The following NTM variants were observed in gnomAD, a reference collection of about 807,000 sequenced individuals.
NTM encodes neurotrimin.
Under a neutral mutation model 42.1 loss-of-function variants are expected in NTM, and 13 were observed. The observed-to-expected ratio is 0.31, with a 90% CI of 0.20 to 0.49. NTM has a LOEUF of 0.49. Ranked by LOEUF, NTM falls within the 20% of genes least tolerant of loss-of-function variation. The probability of loss-of-function intolerance (pLI) is 0.99; values close to 1 mark genes in which losing one functional copy is unlikely to be tolerated. For synonymous variants in NTM, 187 were observed against 179.2 expected, an observed-to-expected ratio of 1.04 and a Z score of -0.35; for missense variants, 373 against 452.8, an observed-to-expected ratio of 0.82 and a Z score of 1.60.
chr11:131,399,585 C>T (rs1359874147), intron 1 of NTM, among the ~76,000 whole-genome samples: 1 of 152,112 alleles, frequency 6.6e-6, no homozygotes, highest in Non-Finnish European at 1.5e-5. Context: ...GCTTTGAGTC[C>T]TGGAAGTGTG....
chr11:131,954,534 T>G (rs769293408), intron 2 of NTM, among the ~76,000 whole-genome samples: 3 of 152,242 alleles, frequency 2.0e-5, no homozygotes, highest in Admixed American at 6.5e-5. Context: ...CATTCATCCC[T>G]GTCCATCAGC....
At chr11:131,554,535 C>T (rs1330015128) in intron 1 of NTM, among the ~76,000 whole-genome samples, 1 of 142,666 alleles carries the variant, frequency 7.0e-6, no homozygotes, top group Non-Finnish European at 1.5e-5. Context: ...CACACACACA[C>T]ACACATCTAC....
intron 1 of NTM, among the ~76,000 whole-genome samples, chr11:131,393,837 G>A (rs1390049951): frequency 1.3e-5 from 2 of 152,224 alleles, no homozygotes; most frequent in Non-Finnish European, 2.9e-5. Context: ...CCAGTGATAC[G>A]TGCAATTGGG....
chr11:131,851,532 CGT>C (rs71067340), intron 1 of NTM, among the ~76,000 whole-genome samples: 3,024 of 146,698 alleles, frequency 0.021, 41 homozygotes, highest in African/African-American at 0.052. Context: ...GTGAGAATGG[CGT>C]GTGTGTGTGT....
chr11:131,668,672 C>A (rs1267579195), intron 1 of NTM, among the ~76,000 whole-genome samples: 1 of 152,192 alleles, frequency 6.6e-6, no homozygotes, highest in Non-Finnish European at 1.5e-5. Context: ...AACACAATTT[C>A]TCCCTGTCAT....
chr11:131,463,174 T>C (rs564328183), intron 1 of NTM, among the ~76,000 whole-genome samples: 5 of 152,332 alleles, frequency 3.3e-5, no homozygotes, highest in African/African-American at 9.6e-5. Context: ...TTCCATCCTA[T>C]TGCCCTCCTG....
chr11:131,698,206 G>A (rs2075683103), intron 1 of NTM, among the ~76,000 whole-genome samples: 1 of 152,126 alleles, frequency 6.6e-6, no homozygotes, highest in Non-Finnish European at 1.5e-5. Context: ...CAGAGTGAAA[G>A]TGTCATTCAG....
At chr11:132,114,212 G>A (rs2063583517) in intron 2 of NTM, among the ~76,000 whole-genome samples, 2 of 152,198 alleles carry the variant, frequency 1.3e-5, no homozygotes, top group South Asian at 2.1e-4. Flanking sequence ...CTAAAAATGT[G>A]TTTAAAATAA....
intron 1 of NTM, among the ~76,000 whole-genome samples, chr11:131,665,819 CA>C (rs369203747): frequency 2.9e-4 from 44 of 152,354 alleles, no homozygotes; most frequent in African/African-American, 1.0e-3. Flanking sequence ...ATTCCCACCC[CA>C]CCGTATTTTG....
chr11:131,402,559 A>C (rs1945365176), intron 1 of NTM, among the ~76,000 whole-genome samples: 1 of 152,172 alleles, frequency 6.6e-6, no homozygotes, highest in African/African-American at 2.4e-5. Flanking sequence ...GGAAAACAGC[A>C]CAAGCCAACC....
At chr11:131,454,109 A>G (rs1304071396) in intron 1 of NTM, among the ~76,000 whole-genome samples, 1 of 152,208 alleles carries the variant, frequency 6.6e-6, no homozygotes, top group East Asian at 1.9e-4. Context: ...TTTATTTTCC[A>G]TAGTTTCAGT....
intron 2 of NTM, among the ~76,000 whole-genome samples, chr11:132,128,925 G>A (rs1202422124): frequency 1.7e-5 from 2 of 119,362 alleles, no homozygotes; most frequent in South Asian, 3.3e-4. Flanking sequence ...GCGATAGAGC[G>A]AGACACCATC....
At chr11:131,709,193 G>A (rs1264249238) in intron 1 of NTM, among the ~76,000 whole-genome samples, 1 of 152,132 alleles carries the variant, frequency 6.6e-6, no homozygotes, top group Non-Finnish European at 1.5e-5. Flanking sequence ...GAGGGGAAGA[G>A]AGGTAACTAC....
chr11:132,059,413 C>T (rs973595445), intron 2 of NTM, among the ~76,000 whole-genome samples: 62 of 152,226 alleles, frequency 4.1e-4, no homozygotes, highest in African/African-American at 1.5e-3. Context: ...GTTTACCTTT[C>T]CTCAAGTCAT....
intron 1 of NTM, among the ~76,000 whole-genome samples, chr11:131,419,813 G>C (rs920839761): frequency 3.3e-5 from 5 of 152,180 alleles, no homozygotes; most frequent in African/African-American, 1.2e-4. Context: ...ATGTCGGGAG[G>C]CCATTACACT....
intron 1 of NTM, among the ~76,000 whole-genome samples, chr11:131,830,184 G>T (rs1477347698): frequency 6.6e-6 from 1 of 152,114 alleles, no homozygotes; most frequent in Non-Finnish European, 1.5e-5. Flanking sequence ...ATTTGATTAA[G>T]TTCCACTTGT....
chr11:131,600,785 T>C (rs886765483), intron 1 of NTM, among the ~76,000 whole-genome samples: 2 of 152,038 alleles, frequency 1.3e-5, no homozygotes, highest in African/African-American at 2.4e-5. Flanking sequence ...AGCCTCAGTG[T>C]AAGAGGCCCA....
chr11:132,216,448 A>G (rs923737766), intron 4 of NTM, among the ~76,000 whole-genome samples: 1 of 152,116 alleles, frequency 6.6e-6, no homozygotes, highest in African/African-American at 2.4e-5. Context: ...TGGAGCTCCC[A>G]TCTTGGGTGC....
rs117035419 is a variant in NTM, at chr11:131,646,041, C to G, written c.83-265523C>G. Among the ~76,000 whole-genome samples the G allele has an allele frequency of 3.4e-3, 514 of 152,326 alleles. 28 individuals are homozygous for G. The East Asian group carries it at 0.087, about 26-fold the overall frequency. On this transcript the variant is annotated intron_variant, in intron 1 of 8. Transcript: ENST00000683400. Reference sequence around the variant, plus strand: ...AAGATTTAGAAGCTGCATGTATGTGCATGGTTAGCACAGAGATATTGATAA... The same window carrying G: ...AAGATTTAGAAGCTGCATGTATGTGGATGGTTAGCACAGAGATATTGATAA...
Sources: allele counts gnomAD v4.1 joint callset (sites outside exome capture counted in the v4.1 genomes callset), GRCh38; gene constraint gnomAD v4.1.1; transcripts MANE v1.5; gene names NCBI Gene and HGNC (gene_info 2026-07-23, HGNC 2026-07-21).